Variants in GABPB1 observed in about 807,000 individuals in gnomAD.
GABPB1 encodes the protein GA-binding protein subunit beta-1.
In GABPB1, 15 loss-of-function variants were observed where a neutral mutation model predicts 45.9. The ratio of observed to expected loss-of-function variants is 0.33; its 90% CI spans 0.22 to 0.50. GABPB1 has a LOEUF of 0.50. Among genes scored for constraint, GABPB1 ranks in the 20% least tolerant of loss-of-function variants. The pLI is 0.98. For missense variants in GABPB1, 252 were observed against 457.5 expected (o/e 0.55, Z 4.10); for synonymous variants, 143 against 154.4 (o/e 0.93, Z 0.55).
intron 1 of GABPB1, among the ~76,000 whole-genome samples, chr15:50,339,292 T>G (rs914424752): frequency 3.3e-5 from 5 of 152,116 alleles, no homozygotes; most frequent in African/African-American, 1.2e-4. Flanking sequence ...CACTCCAGTC[T>G]GGGCAACAAA....
At chr15:50,302,819 C>A in intron 4 of GABPB1, 110 bp downstream of exon 4, 2 of 726,548 alleles carry the variant, frequency 2.8e-6, no homozygotes, top group South Asian at 3.9e-5. Context: ...ATAACTAAGT[C>A]CAAAATGAAA....
At chr15:50,294,322 T>C (rs1473920117) in intron 6 of GABPB1, among the ~76,000 whole-genome samples, 1 of 152,180 alleles carries the variant, frequency 6.6e-6, no homozygotes, top group Middle Eastern at 3.2e-3. Context: ...GAGACCATCC[T>C]GGCCAAGATG....
chr15:50,317,619 A>C (rs2047386088), intron 1 of GABPB1, among the ~76,000 whole-genome samples: 1 of 152,066 alleles, frequency 6.6e-6, no homozygotes, highest in Admixed American at 6.6e-5. Context: ...GCACCACATT[A>C]GATATTGAGG....
rs1035861357 is a variant in GABPB1 at position 50,278,243 on chromosome 15, T to A, written c.*389A>T. On this transcript the variant is annotated 3_prime_UTR_variant, in exon 9 of 9. Coordinates refer to ENST00000380877, the MANE Select transcript of GABPB1 (RefSeq NM_016654.5). ...GAGTAATTCCAGCATCAGTCCACCA[T>A]AATTATTACACAACATTTGGCCTAA... 6.5e-6 allele frequency: 1 copy of A among 154,532 alleles called. No homozygotes were observed. The highest frequency in any genetic ancestry group is 2.4e-5 in the African/African-American group (1 of 41,500). The allele number at this position is 154,532 out of a possible 1,614,324, so 9.6% of individuals were successfully genotyped here.
intron 1 of GABPB1, among the ~76,000 whole-genome samples, chr15:50,332,858 T>C (rs1184048731): frequency 1.3e-5 from 2 of 152,300 alleles, no homozygotes; most frequent in East Asian, 1.9e-4. Context: ...ACATTTTTAC[T>C]ATGTTTAATG....
At chr15:50,306,666 T>C (rs1303939029) in intron 2 of GABPB1, among the ~76,000 whole-genome samples, 1 of 151,176 alleles carries the variant, frequency 6.6e-6, no homozygotes, top group Non-Finnish European at 1.5e-5. Context: ...TGCCACTCCC[T>C]GATCACAAGC....
In GABPB1 at chr15:50,286,194, A is replaced by C. The variant is rs1567477241; in HGVS notation, c.884-11T>G. The C allele has an allele frequency of 2.0e-6, 3 of 1,498,824 alleles. No individual in the cohort carries two copies. Among genetic ancestry groups the C allele is most frequent in the Non-Finnish European group, 2.7e-6 (3 of 1,112,850 alleles). 92.8% of individuals were successfully genotyped at this position (1,498,824 alleles called of 1,614,324 possible). On this transcript the variant is annotated splice_polypyrimidine_tract_variant and intron_variant, in intron 7 of 8. Transcript: ENST00000380877. ...CTGGTACTGTTAATACTAAAATGAA[A>C]AAAAAATTATGTATTACTTCATTTT...
intron 1 of GABPB1, chr15:50,354,681 G>C (rs901272790): frequency 1.4e-5 from 6 of 414,824 alleles, no homozygotes; most frequent in Non-Finnish European, 2.9e-5. Context: ...GGGTAGCCGC[G>C]AGGCGGCCGC....
intron 1 of GABPB1, among the ~76,000 whole-genome samples, chr15:50,316,079 T>C (rs981562803): frequency 3.3e-5 from 5 of 152,104 alleles, no homozygotes; most frequent in Non-Finnish European, 5.9e-5. Context: ...ACAAAAATCC[T>C]CAGACATAAA....
At chr15:50,328,638 A>T (rs1160956759) in intron 1 of GABPB1, among the ~76,000 whole-genome samples, 1 of 152,168 alleles carries the variant, frequency 6.6e-6, no homozygotes, top group Non-Finnish European at 1.5e-5. Context: ...TAATCCTTCC[A>T]ATGTAAAGTT....
chr15:50,284,752 T>G (rs2046098340), intron 8 of GABPB1, among the ~76,000 whole-genome samples: 1 of 152,164 alleles, frequency 6.6e-6, no homozygotes, highest in Admixed American at 6.5e-5. Flanking sequence ...ACATGACAAT[T>G]TTTTTACCTT....
chr15:50,331,784 C>T (rs901992578), intron 1 of GABPB1, among the ~76,000 whole-genome samples: 1 of 152,090 alleles, frequency 6.6e-6, no homozygotes, highest in African/African-American at 2.4e-5. Context: ...GGTTATTAGA[C>T]AATTTACCTT....
chr15:50,321,612 G>T (rs1490924302), intron 1 of GABPB1, among the ~76,000 whole-genome samples: 2 of 150,876 alleles, frequency 1.3e-5, no homozygotes, highest in African/African-American at 4.9e-5. Context: ...TGAGGCAGGA[G>T]AATCACTTGA....
chr15:50,317,833 C>T (rs577924565), intron 1 of GABPB1, among the ~76,000 whole-genome samples: 85 of 151,474 alleles, frequency 5.6e-4, no homozygotes, highest in African/African-American at 2.0e-3. Context: ...GGCGCGAACC[C>T]GGGAGGCGGA....
intron 1 of GABPB1, among the ~76,000 whole-genome samples, chr15:50,320,759 G>A (rs1162145231): frequency 6.6e-6 from 1 of 152,176 alleles, no homozygotes; most frequent in Admixed American, 6.6e-5. Context: ...ATGTGACATT[G>A]GGAGCAGAAG....
chr15:50,320,535 T>A (rs187857182), intron 1 of GABPB1, among the ~76,000 whole-genome samples: 5 of 152,288 alleles, frequency 3.3e-5, no homozygotes, highest in African/African-American at 9.6e-5. Flanking sequence ...GGCTGCACAG[T>A]ACTATGGAGT....
chr15:50,319,442 C>T (rs1316869947), intron 1 of GABPB1, among the ~76,000 whole-genome samples: 6 of 152,162 alleles, frequency 3.9e-5, no homozygotes, highest in Admixed American at 2.6e-4. Flanking sequence ...CCACCCTCCC[C>T]GCTTTTGGAC....
intron 6 of GABPB1, among the ~76,000 whole-genome samples, chr15:50,296,612 G>T (rs1443459226): frequency 6.6e-6 from 1 of 152,082 alleles, no homozygotes; most frequent in Admixed American, 6.6e-5. Context: ...CTACTTAATA[G>T]CCATATGCCC....
intron 1 of GABPB1, chr15:50,346,535 TG>T (rs1293571873): frequency 6.6e-6 from 1 of 151,834 alleles, no homozygotes; most frequent in Non-Finnish European, 1.5e-5. Context: ...TCAGACTGTT[TG>T]GGTTGCTGTA....
Sources: allele counts gnomAD v4.1 joint callset (sites outside exome capture counted in the v4.1 genomes callset), GRCh38; gene constraint gnomAD v4.1.1; transcripts MANE v1.5; gene names NCBI Gene and HGNC (gene_info 2026-07-23, HGNC 2026-07-21).